The following DCDC1 variants were observed in gnomAD, a reference collection of about 807,000 sequenced individuals.
DCDC1 encodes doublecortin domain-containing protein 1.
A neutral mutation model predicts 178.3 loss-of-function variants in DCDC1; 200 were observed. The ratio of observed to expected loss-of-function variants is 1.12; its 90% CI spans 1.00 to 1.26. DCDC1 has a LOEUF of 1.26. Among genes scored for constraint, DCDC1 ranks in the 50% most tolerant of loss-of-function variants. The probability of loss-of-function intolerance (pLI) is 0.00; values close to 1 mark genes in which losing one functional copy is unlikely to be tolerated. For missense variants in DCDC1, 1,983 were observed against 1,749.2 expected (o/e 1.13, Z -2.38); for synonymous variants, 690 against 604.8 (o/e 1.14, Z -2.07).
chr11:30,878,593 GA>G lies in DCDC1; in HGVS notation c.5351del (p.Leu1784ProfsTer51). The G allele has an allele frequency of 6.2e-7, 1 of 1,601,470 alleles. No homozygotes were observed. The highest frequency in any genetic ancestry group is 8.5e-7 in the Non-Finnish European group (1 of 1,175,946). Reference protein sequence around the residue: ...PSTKLLSLAHLHN With the variant: ...PSTKLLSLAHXHN ...ATGGTTCTGATAGGAGTTAATTGTG[GA>G]GATGTGCCAGAGACAGCAGCTTCGT... is the stretch of plus-strand genomic sequence containing the variant. On this transcript the variant is annotated frameshift_variant, in exon 38 of 39. Transcript: ENST00000684477. LOFTEE classifies it high-confidence loss of function.
intron 34 of DCDC1, among the ~76,000 whole-genome samples, chr11:30,899,171 C>T (rs1021507956): frequency 1.3e-5 from 2 of 151,772 alleles, no homozygotes; most frequent in African/African-American, 4.8e-5. Context: ...CAGCAATACC[C>T]AAGGAATGAC....
chr11:31,007,847 G>A (rs985040692), intron 20 of DCDC1, among the ~76,000 whole-genome samples: 1 of 151,958 alleles, frequency 6.6e-6, no homozygotes, highest in African/African-American at 2.4e-5. Context: ...ATTTTTAGTA[G>A]AGACAGGGTT....
intron 8 of DCDC1, among the ~76,000 whole-genome samples, chr11:31,247,899 A>G (rs1053576597): frequency 2.0e-5 from 3 of 152,096 alleles, no homozygotes; most frequent in African/African-American, 7.2e-5. Flanking sequence ...AAAATATTTG[A>G]TATTTAGTAG....
chr11:31,263,383 T>C (rs1281263824), intron 8 of DCDC1, among the ~76,000 whole-genome samples: 3 of 152,144 alleles, frequency 2.0e-5, no homozygotes, highest in Non-Finnish European at 4.4e-5. Flanking sequence ...TCAACATTAA[T>C]AATGACACTC....
intron 18 of DCDC1, among the ~76,000 whole-genome samples, chr11:31,076,666 T>A (rs575571926): frequency 2.5e-4 from 38 of 152,220 alleles, no homozygotes; most frequent in Non-Finnish European, 4.6e-4. Flanking sequence ...GAGATACAGA[T>A]GTCCTTGATA....
intron 9 of DCDC1, among the ~76,000 whole-genome samples, chr11:31,177,256 T>C (rs1179102050): frequency 2.6e-5 from 4 of 152,020 alleles, no homozygotes; most frequent in Non-Finnish European, 5.9e-5. Flanking sequence ...CTCTTTATGT[T>C]AGCCCCATGA....
chr11:31,107,815 C>A (rs1453747179), intron 12 of DCDC1, among the ~76,000 whole-genome samples: 2 of 152,174 alleles, frequency 1.3e-5, no homozygotes, highest in Non-Finnish European at 2.9e-5. Context: ...CACTCTTCCC[C>A]CAGCCTTCTG....
chr11:30,936,440 G>C (rs1234143805), intron 21 of DCDC1, among the ~76,000 whole-genome samples: 1 of 152,096 alleles, frequency 6.6e-6, no homozygotes, highest in Non-Finnish European at 1.5e-5. Context: ...GGGATGCCAA[G>C]GGGTGTGATA....
chr11:31,032,943 C>T (rs901692541), intron 20 of DCDC1, among the ~76,000 whole-genome samples: 2 of 152,082 alleles, frequency 1.3e-5, no homozygotes, highest in African/African-American at 4.8e-5. Flanking sequence ...GCGGCGCCTG[C>T]TTTTCCCCTA....
At chr11:30,871,007 T>C (rs1311543113) in intron 38 of DCDC1, among the ~76,000 whole-genome samples, 2 of 152,206 alleles carry the variant, frequency 1.3e-5, no homozygotes, top group South Asian at 4.1e-4. Flanking sequence ...GTTCCTTACG[T>C]AGGGAAACTG....
chr11:31,249,898 C>A (rs1369836403), intron 8 of DCDC1, among the ~76,000 whole-genome samples: 3 of 152,052 alleles, frequency 2.0e-5, no homozygotes, highest in Admixed American at 2.0e-4. Flanking sequence ...AGTTTGTGAA[C>A]ACTCAGGAAA....
intron 20 of DCDC1, among the ~76,000 whole-genome samples, chr11:30,997,864 T>C (rs1951353729): frequency 1.3e-5 from 2 of 152,146 alleles, no homozygotes; most frequent in African/African-American, 4.8e-5. Flanking sequence ...CCTTGGTTTC[T>C]AAATAGCCTT....
chr11:31,282,038 T>C (rs1243221176), intron 7 of DCDC1, among the ~76,000 whole-genome samples: 1 of 152,130 alleles, frequency 6.6e-6, no homozygotes, highest in East Asian at 1.9e-4. Context: ...ATTAGGAGGA[T>C]ATTGGTATGA....
At chr11:31,039,317 A>T (rs375585996) in intron 20 of DCDC1, among the ~76,000 whole-genome samples, 2 of 152,300 alleles carry the variant, frequency 1.3e-5, no homozygotes, top group East Asian at 3.9e-4. Flanking sequence ...ACAAAGAATT[A>T]TTTAAATGCA....
At chr11:30,980,822 G>T (rs1208645948) in intron 20 of DCDC1, among the ~76,000 whole-genome samples, 1 of 152,070 alleles carries the variant, frequency 6.6e-6, no homozygotes, top group African/African-American at 2.4e-5. Flanking sequence ...ACTAAAAATA[G>T]AACTACCATT....
chr11:30,890,663 A>G (rs984933005), intron 36 of DCDC1, among the ~76,000 whole-genome samples: 2 of 152,270 alleles, frequency 1.3e-5, no homozygotes, highest in Non-Finnish European at 2.9e-5. Flanking sequence ...GAAAACATGC[A>G]AGAAAGAAAA....
intron 7 of DCDC1, among the ~76,000 whole-genome samples, chr11:31,271,176 T>A (rs957991860): frequency 6.6e-6 from 1 of 152,178 alleles, no homozygotes; most frequent in Non-Finnish European, 1.5e-5. Flanking sequence ...CTCATCTTAC[T>A]GCTATCAAAG....
intron 7 of DCDC1, among the ~76,000 whole-genome samples, chr11:31,289,748 C>T (rs112537755): frequency 0.01 from 1,585 of 152,064 alleles, 30 homozygotes; most frequent in African/African-American, 0.036. Flanking sequence ...CATAGTATCA[C>T]ATTAAATCCT....
chr11:31,229,898 A>G (rs530367464), intron 9 of DCDC1, among the ~76,000 whole-genome samples: 2 of 152,314 alleles, frequency 1.3e-5, no homozygotes, highest in Non-Finnish European at 2.9e-5. Flanking sequence ...TCCACAGTTA[A>G]CATCATATTC....
Sources: gnomAD v4.1 joint callset for allele counts (sites outside exome capture counted in the v4.1 genomes callset) on GRCh38, gnomAD v4.1.1 for gene constraint, MANE v1.5 for transcripts, NCBI Gene and HGNC (gene_info 2026-07-23, HGNC 2026-07-21) for gene names.